The following GRAMD2B variants were observed in gnomAD, a reference collection of about 807,000 sequenced individuals.
The protein encoded by GRAMD2B is GRAM domain containing 2B.
Under a neutral mutation model 59.2 loss-of-function variants are expected in GRAMD2B, and 41 were observed. That is an observed-to-expected ratio of 0.69 (90% CI 0.54 to 0.90). The LOEUF (loss-of-function observed/expected upper bound fraction) is 0.90. GRAMD2B is among the 40% of genes least tolerant of loss of function. The pLI, the probability that GRAMD2B is intolerant of heterozygous loss-of-function variation, is 0.00. For synonymous variants in GRAMD2B, 161 were observed against 182.7 expected, an observed-to-expected ratio of 0.88 and a Z score of 0.96; for missense variants, 424 against 500.5, an observed-to-expected ratio of 0.85 and a Z score of 1.46.
At chr5:126,469,985 T>G (rs773533366) in intron 3 of GRAMD2B, among the ~76,000 whole-genome samples, 197 bp downstream of exon 3, 11 of 152,204 alleles carry the variant, frequency 7.2e-5, no homozygotes, top group Non-Finnish European at 1.5e-4. Context: ...CAACTCATTT[T>G]TCAGCACATT....
chr5:126,477,614 T>C, intron 5 of GRAMD2B, 78 bp from the exon 6 acceptor site: 1 of 861,698 alleles, frequency 1.2e-6, no homozygotes, highest in Non-Finnish European at 2.0e-6. Context: ...CTTTTTTTTC[T>C]TTTTTCCTTA....
rs763234612 is a variant in GRAMD2B at position 126,469,763 on chromosome 5, G to A, written c.290G>A (p.Arg97Lys). The change falls in exon 3 of 14, where the codon AGA becomes AAA. Residue 97 changes from arginine (R) to lysine (K), a missense_variant. Physicochemically the swap from Arg to Lys is conservative, Grantham distance 26 (BLOSUM62 2). Coordinates refer to ENST00000285689, the MANE Select transcript of GRAMD2B (RefSeq NM_023927.4). ...AGCAAAAATGACCCTAAGACTGAAA[G>A]AAAAAAGTCTTCATCTTCCAGCCAG... ...TESKNDPKTERKKSSSSSQYK... is the reference protein window; with the variant it reads ...TESKNDPKTEKKKSSSSSQYK... The A allele has an allele frequency of 1.9e-6, 3 of 1,611,980 alleles. No individual in the cohort carries two copies. The highest frequency in any genetic ancestry group is 2.5e-6 in the Non-Finnish European group (3 of 1,178,604).
chr5:126,367,516 C>CATG (rs1321093933), upstream of GRAMD2B, among the ~76,000 whole-genome samples: 1 of 151,848 alleles, frequency 6.6e-6, no homozygotes, highest in African/African-American at 2.4e-5. Flanking sequence ...AATATACAGG[C>CATG]ATGAATTCCG....
intron 12 of GRAMD2B, among the ~76,000 whole-genome samples, chr5:126,487,584 T>G (rs1773183472): frequency 6.6e-6 from 1 of 152,202 alleles, no homozygotes; most frequent in Non-Finnish European, 1.5e-5. Flanking sequence ...ATTTATGCCA[T>G]GTTAGAAAGT....
intron 1 of GRAMD2B, among the ~76,000 whole-genome samples, chr5:126,397,768 T>G (rs574216251): frequency 6.6e-6 from 1 of 152,268 alleles, no homozygotes; most frequent in Admixed American, 6.5e-5. Context: ...CTATAAAATT[T>G]AGTTTGCTAG....
At chr5:126,462,718 C>A (rs1017195733) in intron 1 of GRAMD2B, among the ~76,000 whole-genome samples, 2 of 151,952 alleles carry the variant, frequency 1.3e-5, no homozygotes, top group African/African-American at 4.8e-5. Flanking sequence ...GAAAAGGTAC[C>A]AGTACAAGGT....
At chr5:126,447,983 C>T (rs544451057) in intron 1 of GRAMD2B, among the ~76,000 whole-genome samples, 2 of 151,990 alleles carry the variant, frequency 1.3e-5, no homozygotes, top group African/African-American at 2.4e-5. Flanking sequence ...CCTCAGCCTC[C>T]CAAGTAGGTG....
At chr5:126,384,480 A>C (rs1342903086) in intron 1 of GRAMD2B, among the ~76,000 whole-genome samples, 1 of 152,214 alleles carries the variant, frequency 6.6e-6, no homozygotes, top group Non-Finnish European at 1.5e-5. Context: ...GAAAGTTTCT[A>C]TTTATTCCTT....
intron 1 of GRAMD2B, chr5:126,371,601 G>A: frequency 7.9e-7 from 1 of 1,261,036 alleles, no homozygotes; most frequent in Non-Finnish European, 1.0e-6. Context: ...ATCCACGTCT[G>A]TCCCCCTGGT....
At position 126,465,133 on chromosome 5, in the gene GRAMD2B, C is replaced by A. The variant is rs920319192; in HGVS notation, c.84-293C>A. The stretch of plus-strand genomic sequence containing the variant: ...TCCCAGCCTCCAGGTGATCTGCTGC[C>A]CCAGCACAGCCCATGCAGAGCAGAG... On this transcript the variant is annotated intron_variant, in intron 1 of 13. Transcript: ENST00000285689. 1.5e-5 allele frequency: 19 copies of A among 1,246,840 alleles called. No homozygotes were observed. The Admixed American group carries it at 5.1e-4, about 34-fold the overall frequency. The allele number at this position is 1,246,840 out of a possible 1,614,324, so 77.2% of individuals were successfully genotyped here. A position where few individuals can be genotyped will look rare whatever the true frequency, so the allele number is the denominator to read the frequency against.
rs1477437891 is a variant in GRAMD2B at position 126,469,756 on chromosome 5, A to G, written c.283A>G (p.Thr95Ala). Reference sequence around the variant, plus strand: ...AACAGAAAGCAAAAATGACCCTAAGACTGAAAGAAAAAAGTCTTCATCTTC... The same window carrying G: ...AACAGAAAGCAAAAATGACCCTAAGGCTGAAAGAAAAAAGTCTTCATCTTC... ...CKTESKNDPKTERKKSSSSSQ... is the reference protein window; with the variant it reads ...CKTESKNDPKAERKKSSSSSQ... Residue 95 changes from threonine to alanine, a missense_variant, in exon 3 of 14, where the codon ACT becomes GCT. Thr to Ala is a moderately conservative substitution (Grantham distance 58). Transcript: ENST00000285689. 6.2e-7 allele frequency: 1 copy of G among 1,613,456 alleles called. No individual in the cohort carries two copies. Among genetic ancestry groups the G allele is most frequent in the East Asian group, 2.2e-5 (1 of 44,876 alleles).
chr5:126,482,974 C>A (rs1772167995), intron 8 of GRAMD2B, among the ~76,000 whole-genome samples: 1 of 152,186 alleles, frequency 6.6e-6, no homozygotes, highest in African/African-American at 2.4e-5. Context: ...AAAGCTTAAA[C>A]TTTACTTTCA....
At chr5:126,480,941 A>G in intron 8 of GRAMD2B, 1 of 554,856 alleles carries the variant, frequency 1.8e-6, no homozygotes, top group Non-Finnish European at 3.2e-6. Context: ...CTAGTAGACT[A>G]TCTTGGTGAG....
At position 126,477,801 on chromosome 5, in the gene GRAMD2B, C is replaced by T. The variant is rs372320254; in HGVS notation, c.582+14C>T. 2.4e-4 allele frequency: 357 copies of T among 1,509,472 alleles called. 3 individuals carry two copies. In the African/African-American group the frequency reaches 4.3e-3, roughly 18 times the overall value. 93.5% of individuals were successfully genotyped at this position (1,509,472 alleles called of 1,614,324 possible). On this transcript the variant is annotated intron_variant, in intron 6 of 13. Coordinates refer to ENST00000285689, the MANE Select transcript of GRAMD2B (RefSeq NM_023927.4). ...GTCACAGACAGGGTGAGTATGCAGC[C>T]GAGCGAGGGCATCTTTGCTTTGTCC...
At chr5:126,454,869 T>C (rs1269471059) in intron 1 of GRAMD2B, among the ~76,000 whole-genome samples, 1 of 152,232 alleles carries the variant, frequency 6.6e-6, no homozygotes, top group Admixed American at 6.5e-5. Context: ...TTCTTTTTAT[T>C]GTTGACCTAT....
intron 1 of GRAMD2B, among the ~76,000 whole-genome samples, chr5:126,383,824 G>C (rs999205135): frequency 6.6e-6 from 1 of 152,102 alleles, no homozygotes; most frequent in Non-Finnish European, 1.5e-5. Flanking sequence ...ATCTCACTCA[G>C]GGTGATTTCT....
chr5:126,472,558 T>C (rs1243790711), intron 4 of GRAMD2B, among the ~76,000 whole-genome samples: 1 of 152,204 alleles, frequency 6.6e-6, no homozygotes, highest in Non-Finnish European at 1.5e-5. Flanking sequence ...CCTTCCCTTC[T>C]TTATTTATTG....
At chr5:126,368,197 G>A (rs1410715504), upstream of GRAMD2B, among the ~76,000 whole-genome samples, 1 of 151,872 alleles carries the variant, frequency 6.6e-6, no homozygotes, top group African/African-American at 2.4e-5. Flanking sequence ...TTACATAAAC[G>A]TCCTATTCCA....
intron 1 of GRAMD2B, among the ~76,000 whole-genome samples, chr5:126,408,816 T>C (rs1267575932): frequency 6.8e-6 from 1 of 147,284 alleles, no homozygotes; most frequent in Non-Finnish European, 1.5e-5. Flanking sequence ...ATTAGGTATA[T>C]CTCCTAATGC....
Sources: allele counts gnomAD v4.1 joint callset (sites outside exome capture counted in the v4.1 genomes callset), GRCh38; gene constraint gnomAD v4.1.1; transcripts MANE v1.5; gene names NCBI Gene and HGNC (gene_info 2026-07-23, HGNC 2026-07-21).